CASTOR1: variants seen among roughly 807,000 people sequenced by gnomAD.
CASTOR1 encodes cytosolic arginine sensor for mTORC1 subunit 1.
Under a neutral mutation model 33.7 loss-of-function variants are expected in CASTOR1, and 18 were observed. That is an observed-to-expected ratio of 0.53 (90% CI 0.37 to 0.79). CASTOR1 has a LOEUF of 0.79. Among genes scored for constraint, CASTOR1 ranks in the 30% least tolerant of loss-of-function variants. The pLI is 0.00. For missense variants in CASTOR1, 362 were observed against 446.3 expected (o/e 0.81, Z 1.70); for synonymous variants, 175 against 190.6 (o/e 0.92, Z 0.67).
In CASTOR1 at chr22:30,285,606, G is replaced by C; in HGVS notation, c.*14C>G. 6.4e-7 allele frequency: 1 copy of C among 1,552,236 alleles called. No homozygotes were observed. Among genetic ancestry groups the C allele is most frequent in the Non-Finnish European group, 8.7e-7 (1 of 1,147,024 alleles). On this transcript the variant is annotated 3_prime_UTR_variant, in exon 9 of 9. Transcript: ENST00000407689. Reference sequence around the variant, plus strand: ...GAGGGGAGAGCAGGGAGGCTGCTCTGTTGCCCATGGGCCTCAGGAAGCCAG... The same window carrying C: ...GAGGGGAGAGCAGGGAGGCTGCTCTCTTGCCCATGGGCCTCAGGAAGCCAG...
chr22:30,287,180 G>T lies in CASTOR1; in HGVS notation c.480C>A (p.Ser160Arg). Residue 160 changes from serine (S) to arginine (R), a missense_variant, in exon 4 of 9, where the codon AGC becomes AGA. By Grantham distance (110) the Ser-to-Arg change is moderately radical (BLOSUM62 -1). Transcript: ENST00000407689. ...EPVPVTRDDS[S>R]NGFPRTQHGP... ...CATGCTGAGTGCGGGGAAAGCCATT[G>T]CTGGAATCATCCCTCGTCACAGGCA... 6.2e-7 allele frequency: 1 copy of T among 1,611,258 alleles called. No homozygotes were observed. Among genetic ancestry groups the T allele is most frequent in the Non-Finnish European group, 8.5e-7 (1 of 1,178,316 alleles).
In CASTOR1 at chr22:30,286,249, CA is replaced by C. The variant is rs1410428550; in HGVS notation, c.743+13del. ...CTGGGGCCTGGGGCCCACCCGGGGT[CA>C]GGGGTCACCTACTTTTTCTGTGTTT... On this transcript the variant is annotated intron_variant, in intron 6 of 8. Coordinates refer to ENST00000407689, the MANE Select transcript of CASTOR1 (RefSeq NM_001037666.3). 1 of 1,596,338 alleles carries C rather than the reference CA, an allele frequency of 6.3e-7. No individual in the cohort carries two copies. The highest frequency in any genetic ancestry group is 1.3e-5 in the African/African-American group (1 of 74,562).
chr22:30,289,318 C>T (rs1232370994), intron 1 of CASTOR1, 67 bp downstream of exon 1: 2 of 1,180,884 alleles, frequency 1.7e-6, no homozygotes, highest in Admixed American at 2.0e-5. Flanking sequence ...CCTAATCCTC[C>T]GACCCTGGCC....
rs1409535737 is a variant in CASTOR1, at chr22:30,288,742, C to G, written c.148G>C (p.Asp50His). ...TCCTCGTCCACCATAAGCGTGTAAT[C>G]CTCAGGGGTCTCCGTCAGGCTGAAG... The part of the protein sequence containing the change: ...KFFSLTETPE[D>H]YTLMVDEEGF... The change falls in exon 2 of 9, where the codon GAT (aspartate) becomes CAT (histidine). Residue 50 changes from aspartate (D) to histidine (H), a missense_variant. Transcript: ENST00000407689. 6.2e-7 allele frequency: 1 copy of G among 1,612,952 alleles called. No homozygotes were observed. Among genetic ancestry groups the G allele is most frequent in the Admixed American group, 1.7e-5 (1 of 59,702 alleles).
chr22:30,285,677 G>T lies in CASTOR1; in HGVS notation c.933C>A (p.Asp311Glu), dbSNP rs747175965. The change falls in exon 9 of 9, where the codon GAC becomes GAA. Residue 311 changes from aspartate to glutamate, a missense_variant. Asp to Glu is a conservative substitution (Grantham distance 45). Transcript: ENST00000407689. ...GGACCTCGATGACGCTGCCGATACC[G>T]TCCTCGGGCACCTGAGGGCAGGTGG... The part of the protein sequence containing the change: ...FNFDHALVPE[D>E]GIGSVIEVLQ... The T allele has an allele frequency of 1.5e-5, 23 of 1,567,444 alleles. No individual in the cohort carries two copies. Among genetic ancestry groups the T allele is most frequent in the Non-Finnish European group, 2.0e-5 (23 of 1,156,476 alleles).
At chr22:30,288,854 G>A (rs1414078970) in intron 1 of CASTOR1, 78 bp from the exon 2 acceptor site, 1 of 1,246,566 alleles carries the variant, frequency 8.0e-7, no homozygotes, top group Admixed American at 2.4e-5. Context: ...CATCTGCCCC[G>A]AGACACCCCC....
intron 1 of CASTOR1, chr22:30,289,160 T>C: frequency 5.2e-6 from 3 of 582,354 alleles, no homozygotes; most frequent in South Asian, 2.0e-5. Flanking sequence ...GAGTTAAGCA[T>C]TGCCCATCCC....
At position 30,286,935 on chromosome 22, in the gene CASTOR1, C is replaced by A. The variant is rs772227429; in HGVS notation, c.519G>T (p.Thr173=). ...TCTGTGGGCTCTGGATGGGATGCACCGTGGGGCTGGGCCCTGCTGGAGGAC... is the reference window on the plus strand; with the variant it reads ...TCTGTGGGCTCTGGATGGGATGCACAGTGGGGCTGGGCCCTGCTGGAGGAC... ...FPRTQHGPSP[T]VHPIQSPQNR... Residue 173 remains threonine (T), a synonymous_variant, in exon 5 of 9, where the codon ACG becomes ACT. Transcript: ENST00000407689. 1.2e-6 allele frequency: 2 copies of A among 1,612,930 alleles called. No homozygotes were observed. Among genetic ancestry groups the A allele is most frequent in the Non-Finnish European group, 8.5e-7 (1 of 1,179,196 alleles).
rs750588499 is a variant in CASTOR1 at position 30,287,453 on chromosome 22, C to A, written c.292G>T (p.Ala98Ser). 5.0e-6 allele frequency: 8 copies of A among 1,613,378 alleles called. No individual in the cohort carries two copies. The Admixed American group carries it at 1.3e-4, about 27-fold the overall frequency. The change falls in exon 3 of 9, where the codon GCC (alanine) becomes TCC (serine). Residue 98 changes from alanine (A) to serine (S), a missense_variant. By Grantham distance (99) the Ala-to-Ser change is moderately conservative. Coordinates refer to ENST00000407689, the MANE Select transcript of CASTOR1 (RefSeq NM_001037666.3). ...GCCAGTGGCGCGATGACCGAACGGG[C>A]GATCTTGGTGACCCCAGCAGCCTGC... ...AVQAAGVTKI[A>S]RSVIAPLAEH...
At chr22:30,287,021 G>A in intron 4 of CASTOR1, 73 bp from the exon 5 acceptor site, 15 of 1,564,670 alleles carry the variant, frequency 9.6e-6, no homozygotes, top group Non-Finnish European at 1.3e-5. Context: ...TCAGGGAGAG[G>A]CGTGGGCCAG....
chr22:30,288,614 C>G (rs1929846299), intron 2 of CASTOR1, 92 bp downstream of exon 2: 1 of 1,129,820 alleles, frequency 8.9e-7, no homozygotes, highest in African/African-American at 1.6e-5. Context: ...GGCTTAAGCT[C>G]TTGGGACGGA....
exon 1 of CASTOR1, chr22:30,289,504 TCGCGCGGACC>T: frequency 6.4e-7 from 1 of 1,553,250 alleles, no homozygotes. Flanking sequence ...CCATCGCGGC[TCGCGCGGACC>T]CGACCCCGCC....
intron 1 of CASTOR1, 27 bp downstream of exon 1, chr22:30,289,358 T>C (rs907541561): frequency 6.6e-7 from 1 of 1,511,716 alleles, no homozygotes; most frequent in Non-Finnish European, 9.1e-7. Flanking sequence ...CCAGCCCCTA[T>C]CTGCGCTCCC....
chr22:30,287,466 C>T lies in CASTOR1; in HGVS notation c.279G>A (p.Gly93=). 1 of 1,613,388 alleles carries T rather than the reference C, an allele frequency of 6.2e-7. No homozygotes were observed. The highest frequency in any genetic ancestry group is 8.5e-7 in the Non-Finnish European group (1 of 1,180,042). Residue 93 remains glycine, a synonymous_variant, in exon 3 of 9, where the codon GGG becomes GGA. Transcript: ENST00000407689. ...TGACCGAACGGGCGATCTTGGTGAC[C>T]CCAGCAGCCTGCACTGCCGCACCGC... ...SHSGAAVQAA[G]VTKIARSVIA...
Position 30,287,060 on chromosome 22 carries a change from CG to C in CASTOR1, c.505+94del, listed in dbSNP as rs1929794571. 9 of 1,549,034 alleles carry C rather than the reference CG, an allele frequency of 5.8e-6. No homozygotes were observed. In the East Asian group the frequency reaches 2.0e-4, roughly 35 times the overall value. ...CAGGTCTTGCTATCCAGGAACTGGC[CG>C]GGGTCCTCCTGCCCCACTGGGGCCC... On this transcript the variant is annotated intron_variant, in intron 4 of 8. Coordinates refer to ENST00000407689, the MANE Select transcript of CASTOR1 (RefSeq NM_001037666.3).
At chr22:30,287,853 G>A (rs1289140666) in intron 2 of CASTOR1, 1 of 629,086 alleles carries the variant, frequency 1.6e-6, no homozygotes, top group South Asian at 1.5e-5. Flanking sequence ...TTGAGTCTCA[G>A]TTTCCTCATC....
intron 6 of CASTOR1, 24 bp downstream of exon 6, chr22:30,286,239 C>T (rs771714895): frequency 6.4e-7 from 1 of 1,573,128 alleles, no homozygotes; most frequent in Non-Finnish European, 8.7e-7. Context: ...GCCTGGGGCC[C>T]ACCCGGGGTC....
intron 5 of CASTOR1, 171 bp downstream of exon 5, chr22:30,286,653 TG>T: frequency 1.2e-6 from 1 of 869,072 alleles, no homozygotes. Context: ...GATCCAGCTT[TG>T]GGGCAAGAAC....
At chr22:30,286,768 T>C in intron 5 of CASTOR1, 57 bp downstream of exon 5, 2 of 1,610,090 alleles carry the variant, frequency 1.2e-6, no homozygotes, top group South Asian at 1.1e-5. Context: ...CGGAAAGTGG[T>C]GGGACAGAGT....
Sources: gnomAD v4.1 joint callset for allele counts on GRCh38, gnomAD v4.1.1 for gene constraint, MANE v1.5 for transcripts, NCBI Gene and HGNC (gene_info 2026-07-23, HGNC 2026-07-21) for gene names.